Variants in SNX7 observed in about 807,000 individuals in gnomAD.
The protein encoded by SNX7 is sorting nexin 7, also known as sorting nexin-7.
A neutral mutation model predicts 48.4 loss-of-function variants in SNX7; 35 were observed. The ratio of observed to expected loss-of-function variants is 0.72; its 90% CI spans 0.55 to 0.96. The LOEUF (loss-of-function observed/expected upper bound fraction) is 0.96, where lower values mean the gene tolerates loss of function less well. SNX7 is among the 40% of genes least tolerant of loss of function. The pLI is 0.00. For synonymous variants in SNX7, 190 were observed against 190.2 expected, an observed-to-expected ratio of 1.00 and a Z score of 0.01; for missense variants, 553 against 548.9, an observed-to-expected ratio of 1.01 and a Z score of -0.07.
intron 2 of SNX7, among the ~76,000 whole-genome samples, chr1:98,686,701 T>C (rs549048579): frequency 6.6e-6 from 1 of 152,266 alleles, no homozygotes; most frequent in East Asian, 1.9e-4. Flanking sequence ...GACAATTTAA[T>C]TAACCTCTCT....
At chr1:98,664,015 C>T (rs1165332707) in intron 1 of SNX7, among the ~76,000 whole-genome samples, 3 of 152,156 alleles carry the variant, frequency 2.0e-5, no homozygotes, top group African/African-American at 7.2e-5. Flanking sequence ...TTAAGAAAGC[C>T]TGCTCCACGT....
intron 8 of SNX7, among the ~76,000 whole-genome samples, chr1:98,743,121 T>G (rs947035563): frequency 1.2e-4 from 18 of 152,082 alleles, no homozygotes; most frequent in African/African-American, 4.3e-4. Context: ...TTTCTTATTC[T>G]ATCAGTCTTA....
At chr1:98,721,961 G>A (rs1173229756) in intron 7 of SNX7, among the ~76,000 whole-genome samples, 1 of 152,070 alleles carries the variant, frequency 6.6e-6, no homozygotes, top group African/African-American at 2.4e-5. Flanking sequence ...ATATTCTGAT[G>A]TATATTTAGT....
At chr1:98,714,289 A>G (rs1285622972) in intron 7 of SNX7, among the ~76,000 whole-genome samples, 1 of 152,170 alleles carries the variant, frequency 6.6e-6, no homozygotes, top group African/African-American at 2.4e-5. Flanking sequence ...TATGCTAAGC[A>G]TTCACATATA....
intron 7 of SNX7, among the ~76,000 whole-genome samples, 199 bp downstream of exon 7, chr1:98,702,102 G>A (rs999992929): frequency 1.2e-4 from 18 of 152,056 alleles, no homozygotes; most frequent in South Asian, 6.2e-4. Flanking sequence ...TAACAATGAC[G>A]GTTTTCTGCC....
intron 1 of SNX7, among the ~76,000 whole-genome samples, chr1:98,673,618 G>A (rs1649997043): frequency 2.6e-5 from 4 of 152,132 alleles, no homozygotes; most frequent in Admixed American, 2.6e-4. Context: ...CTGACACCTG[G>A]GTGACATGCA....
At chr1:98,677,528 G>T (rs1450116721) in intron 1 of SNX7, among the ~76,000 whole-genome samples, 1 of 152,106 alleles carries the variant, frequency 6.6e-6, no homozygotes, top group Non-Finnish European at 1.5e-5. Context: ...CTGACTAAAA[G>T]AGTTATAAAT....
chr1:98,693,269 T>C (rs992349486), intron 4 of SNX7, among the ~76,000 whole-genome samples: 8 of 152,208 alleles, frequency 5.3e-5, no homozygotes, highest in Non-Finnish European at 1.0e-4. Flanking sequence ...GTGTCTAATT[T>C]CTAATACAGA....
chr1:98,756,422 G>GTT (rs35117249), intron 8 of SNX7, among the ~76,000 whole-genome samples: 762 of 54,616 alleles, frequency 0.014, 32 homozygotes, highest in African/African-American at 0.033. Context: ...TGCCAGATGA[G>GTT]TTTTTTTTTT....
intron 7 of SNX7, among the ~76,000 whole-genome samples, chr1:98,730,795 A>G (rs536673775): frequency 6.6e-6 from 1 of 152,298 alleles, no homozygotes; most frequent in African/African-American, 2.4e-5. Context: ...ATAGGTAGAA[A>G]GAATCAGTAT....
intron 7 of SNX7, among the ~76,000 whole-genome samples, chr1:98,706,015 A>G (rs973615232): frequency 3.2e-4 from 48 of 152,168 alleles, no homozygotes; most frequent in African/African-American, 1.2e-3. Context: ...TAAAAAGTGA[A>G]GAAGAAATCT....
chr1:98,668,029 T>C (rs1025119791), intron 1 of SNX7, among the ~76,000 whole-genome samples: 4 of 152,218 alleles, frequency 2.6e-5, no homozygotes, highest in African/African-American at 9.6e-5. Context: ...ATTATAGCTC[T>C]CTTATAGGTT....
At chr1:98,669,576 T>G (rs1649737005) in intron 1 of SNX7, among the ~76,000 whole-genome samples, 1 of 152,216 alleles carries the variant, frequency 6.6e-6, no homozygotes. Context: ...TGGTTACAAA[T>G]GCAGTCTCAG....
intron 7 of SNX7, among the ~76,000 whole-genome samples, chr1:98,729,281 G>A (rs1287945062): frequency 6.6e-6 from 1 of 152,168 alleles, no homozygotes; most frequent in African/African-American, 2.4e-5. Context: ...AGCTAAAGCA[G>A]TGTTAAGAGG....
intron 8 of SNX7, among the ~76,000 whole-genome samples, chr1:98,758,990 T>C (rs1204888253): frequency 1.3e-5 from 2 of 151,894 alleles, no homozygotes; most frequent in African/African-American, 4.8e-5. Context: ...TGCAACACAC[T>C]TATAATTTGA....
chr1:98,681,568 G>A (rs934637143), intron 1 of SNX7, among the ~76,000 whole-genome samples: 14 of 152,128 alleles, frequency 9.2e-5, no homozygotes, highest in African/African-American at 1.4e-4. Flanking sequence ...AGAGAAAAAC[G>A]TATGTATATA....
intron 3 of SNX7, 60 bp downstream of exon 3, chr1:98,691,245 TG>T: frequency 9.8e-7 from 1 of 1,017,798 alleles, no homozygotes; most frequent in South Asian, 1.6e-5. Context: ...TGAGTCTTTT[TG>T]AATGCCTAAA....
At chr1:98,676,807 A>G (rs1442546188) in intron 1 of SNX7, among the ~76,000 whole-genome samples, 10 of 152,246 alleles carry the variant, frequency 6.6e-5, no homozygotes, top group African/African-American at 2.4e-4. Context: ...TATTTTGGAA[A>G]TCATCAGGTC....
At chr1:98,746,935 G>T (rs890252861) in intron 8 of SNX7, among the ~76,000 whole-genome samples, 1 of 151,948 alleles carries the variant, frequency 6.6e-6, no homozygotes, top group Admixed American at 6.6e-5. Flanking sequence ...TTAGCATGGA[G>T]AATGATAATA....
Sources: gnomAD v4.1 joint callset for allele counts (sites outside exome capture counted in the v4.1 genomes callset) on GRCh38, gnomAD v4.1.1 for gene constraint, MANE v1.5 for transcripts, NCBI Gene and HGNC (gene_info 2026-07-23, HGNC 2026-07-21) for gene names.